ATIC: variants seen among roughly 807,000 people sequenced by gnomAD.
ATIC encodes the protein bifunctional purine biosynthesis protein ATIC.
A neutral mutation model predicts 72.5 loss-of-function variants in ATIC; 64 were observed. The observed-to-expected ratio is 0.88, with a 90% CI of 0.72 to 1.09. ATIC has a LOEUF of 1.09. Among genes scored for constraint, ATIC ranks in the 50% least tolerant of loss-of-function variants. The pLI, the probability that ATIC is intolerant of heterozygous loss-of-function variation, is 0.00. For missense variants in ATIC, 787 were observed against 732.4 expected (o/e 1.07, Z -0.86); for synonymous variants, 281 against 267.1 (o/e 1.05, Z -0.51).
intron 14 of ATIC, among the ~76,000 whole-genome samples, chr2:215,348,174 A>G (rs936831245): frequency 2.6e-5 from 4 of 152,216 alleles, no homozygotes; most frequent in African/African-American, 9.7e-5. Flanking sequence ...TTAAGTTTCA[A>G]CATGAATTTT....
At chr2:215,364,988 G>C in the ATIC span, 2 of 1,549,534 alleles carry the variant, frequency 1.3e-6, no homozygotes, top group Non-Finnish European at 1.8e-6. Flanking sequence ...TGCCTCATCT[G>C]CATATAGACA....
chr2:215,325,706 G>A (rs1362388404), intron 5 of ATIC, among the ~76,000 whole-genome samples: 2 of 151,978 alleles, frequency 1.3e-5, no homozygotes, highest in Non-Finnish European at 2.9e-5. Context: ...GGGATTACAG[G>A]TGCACACCAC....
chr2:215,349,536 A>C lies in ATIC; in HGVS notation c.1660A>C (p.Ser554Arg). 7 of 1,614,122 alleles carry C rather than the reference A, an allele frequency of 4.3e-6. No individual in the cohort carries two copies. Among genetic ancestry groups the C allele is most frequent in the Non-Finnish European group, 5.9e-6 (7 of 1,180,038 alleles). The stretch of plus-strand genomic sequence containing the variant: ...TTGAAAATCAATATACTTCCCCCAG[A>C]GTGGTGTGGCGTACATTGCGGCTCC... ...FRDNVDRAKR[S>R]GVAYIAAPSG... The change falls in exon 16 of 16, where the codon AGT becomes CGT. Residue 554 changes from serine (S) to arginine (R), a missense_variant and splice_region_variant. Ser to Arg is a moderately radical substitution (Grantham distance 110). Transcript: ENST00000236959.
At chr2:215,313,426 A>G (rs2052676507) in intron 2 of ATIC, among the ~76,000 whole-genome samples, 2 of 152,196 alleles carry the variant, frequency 1.3e-5, no homozygotes, top group African/African-American at 4.8e-5. Flanking sequence ...CTTAGAAATG[A>G]TTAACCAGGA....
At chr2:215,353,732 T>G (rs1215222314), downstream of ATIC, among the ~76,000 whole-genome samples, 1 of 152,064 alleles carries the variant, frequency 6.6e-6, no homozygotes, top group Non-Finnish European at 1.5e-5. Flanking sequence ...CAGCTAATTT[T>G]TGTACTTTTA....
In ATIC at chr2:215,319,686, C is replaced by T. The variant is rs376960304; in HGVS notation, c.245C>T (p.Pro82Leu). The part of the protein sequence containing the change: ...VHAGILARNI[P>L]EDNADMARLD... ...TTAGGAATCCTAGCTCGTAATATTC[C>T]AGAAGATAATGCTGACATGGCCAGA... The change falls in exon 4 of 16, where the codon CCA becomes CTA. Residue 82 changes from proline to leucine, a missense_variant. By Grantham distance (98) the Pro-to-Leu change is moderately conservative. Transcript: ENST00000236959. 6 of 1,611,624 alleles carry T rather than the reference C, an allele frequency of 3.7e-6. No individual in the cohort carries two copies. The highest frequency in any genetic ancestry group is 2.2e-5 in the East Asian group (1 of 44,860).
chr2:215,361,314 G>A, the ATIC span: 119 of 507,804 alleles, frequency 2.3e-4, no homozygotes, highest in Non-Finnish European at 3.4e-4. Flanking sequence ...AATACTGAGC[G>A]GTATTGAATA....
chr2:215,349,891 G>A (rs1488635212), downstream of ATIC: 2 of 641,824 alleles, frequency 3.1e-6, no homozygotes, highest in African/African-American at 3.7e-5. Context: ...CCATCCCACA[G>A]CACTGCCCGT....
At chr2:215,314,833 C>A (rs561461548) in intron 2 of ATIC, among the ~76,000 whole-genome samples, 32 of 152,216 alleles carry the variant, frequency 2.1e-4, no homozygotes, top group African/African-American at 7.0e-4. Flanking sequence ...CCTTTGCTCT[C>A]CATCGTAAAC....
chr2:215,332,268 G>T (rs2052903732), intron 7 of ATIC, 114 bp from the exon 8 acceptor site: 2 of 1,397,756 alleles, frequency 1.4e-6, no homozygotes, highest in South Asian at 2.3e-5. Context: ...TATCTGTTTG[G>T]CTCTTAATTA....
Position 215,346,763 on chromosome 2 carries a change from T to C in ATIC, c.1325T>C (p.Ile442Thr), listed in dbSNP as rs761151394. ...SVCYAKNGQVIGIGAGQQSRI... is the reference protein window; with the variant it reads ...SVCYAKNGQVTGIGAGQQSRI... ...TTTAATGTCTGTGTTCCTCAGGTTA[T>C]CGGCATTGGAGCAGGACAGCAGTCT... The change falls in exon 14 of 16, where the codon ATC (isoleucine) becomes ACC (threonine). Residue 442 changes from isoleucine to threonine, a missense_variant. Coordinates refer to ENST00000236959, the MANE Select transcript of ATIC (RefSeq NM_004044.7). The C allele has an allele frequency of 1.2e-6, 2 of 1,614,142 alleles. No individual in the cohort carries two copies. The highest frequency in any genetic ancestry group is 2.2e-5 in the South Asian group (2 of 91,088).
In ATIC at chr2:215,325,856, G is replaced by A. The variant is rs866935262; in HGVS notation, c.380-131G>A. 3.8e-5 allele frequency: 45 copies of A among 1,172,954 alleles called. 1 individual carries two copies. The African/African-American group carries it at 4.9e-4, about 13-fold the overall frequency. 72.7% of individuals were successfully genotyped at this position (1,172,954 alleles called of 1,614,324 possible). On this transcript the variant is annotated intron_variant, in intron 5 of 15. Coordinates refer to ENST00000236959, the MANE Select transcript of ATIC (RefSeq NM_004044.7). The stretch of plus-strand genomic sequence containing the variant: ...GCTGGGATTCCAGGCATGAGCCACT[G>A]CGCCCAGCTTATTTTCCTGATTTTT...
intron 4 of ATIC, among the ~76,000 whole-genome samples, chr2:215,320,917 C>CA (rs1307428305): frequency 6.6e-6 from 1 of 152,128 alleles, no homozygotes; most frequent in African/African-American, 2.4e-5. Context: ...TACATGAACT[C>CA]AGAGTGAGGA....
intron 1 of ATIC, 43 bp downstream of exon 1, chr2:215,312,204 G>T: frequency 1.3e-6 from 2 of 1,482,224 alleles, no homozygotes; most frequent in Non-Finnish European, 1.8e-6. Context: ...CCTCGCCTGC[G>T]GCCCCCCACG....
chr2:215,341,837 C>T (rs537790965), intron 12 of ATIC, among the ~76,000 whole-genome samples: 9 of 152,050 alleles, frequency 5.9e-5, no homozygotes, highest in Non-Finnish European at 1.0e-4. Context: ...GTTTTTATCA[C>T]GCTGCTATGA....
intron 1 of ATIC, 140 bp from the exon 2 acceptor site, chr2:215,312,358 G>A (rs1239507536): frequency 1.3e-6 from 2 of 1,535,402 alleles, no homozygotes; most frequent in Admixed American, 1.7e-5. Flanking sequence ...GACCTGGGGA[G>A]GCCCGGACCA....
At chr2:215,324,642 C>T (rs2052802936) in intron 4 of ATIC, among the ~76,000 whole-genome samples, 1 of 152,114 alleles carries the variant, frequency 6.6e-6, no homozygotes, top group Non-Finnish European at 1.5e-5. Flanking sequence ...GAGCTCCTCG[C>T]ACTACAGGCC....
At chr2:215,313,101 A>G (rs1029037626) in intron 2 of ATIC, among the ~76,000 whole-genome samples, 2 of 152,194 alleles carry the variant, frequency 1.3e-5, no homozygotes, top group Non-Finnish European at 2.9e-5. Context: ...TGGACAACAC[A>G]CTGGACAGAT....
rs552547254 is a variant in ATIC at position 215,349,352 on chromosome 2, G to C, written c.1659+103G>C. 2,616 of 1,581,842 alleles carry C rather than the reference G, an allele frequency of 1.7e-3. 58 individuals are homozygous for C. In the South Asian group the frequency reaches 0.027, roughly 17 times the overall value. ...TTAAAAGGTGTGGCAAAGTGATACA[G>C]ATCAGTAATATTCAGAGAACCATTT... On this transcript the variant is annotated intron_variant, in intron 15 of 15. Transcript: ENST00000236959.
Sources: allele counts gnomAD v4.1 joint callset (sites outside exome capture counted in the v4.1 genomes callset), GRCh38; gene constraint gnomAD v4.1.1; transcripts MANE v1.5; gene names NCBI Gene and HGNC (gene_info 2026-07-23, HGNC 2026-07-21).